The following PDK1 variants were observed in gnomAD, a reference collection of about 807,000 sequenced individuals.
PDK1 encodes [Pyruvate dehydrogenase (acetyl-transferring)] kinase isozyme 1, mitochondrial.
Under a neutral mutation model 54.2 loss-of-function variants are expected in PDK1, and 39 were observed. The ratio of observed to expected loss-of-function variants is 0.72; its 90% CI spans 0.56 to 0.94. The LOEUF (loss-of-function observed/expected upper bound fraction) is 0.94, where lower values mean the gene tolerates loss of function less well. Ranked by LOEUF, PDK1 falls within the 40% of genes least tolerant of loss-of-function variation. The pLI is 0.00. For synonymous variants in PDK1, 221 were observed against 207.1 expected, an observed-to-expected ratio of 1.07 and a Z score of -0.58; for missense variants, 552 against 566.0, an observed-to-expected ratio of 0.98 and a Z score of 0.25.
At chr2:172,669,184 C>T in the PDK1 span, among the ~76,000 whole-genome samples, 2 of 150,658 alleles carry the variant, frequency 1.3e-5, no homozygotes, top group Non-Finnish European at 2.9e-5. Flanking sequence ...CTCAGCCTCC[C>T]AAGTAGCTGG....
At chr2:172,650,960 C>T in the PDK1 span, among the ~76,000 whole-genome samples, 6 of 152,214 alleles carry the variant, frequency 3.9e-5, no homozygotes, top group African/African-American at 1.4e-4. Flanking sequence ...GAATTGAATT[C>T]AGCTCTGCAC....
intron 8 of PDK1, among the ~76,000 whole-genome samples, chr2:172,585,219 A>C (rs1690152680): frequency 6.6e-6 from 1 of 151,500 alleles, no homozygotes; most frequent in African/African-American, 2.4e-5. Context: ...GGCTGATCTC[A>C]AACTCCTGGC....
chr2:172,570,809 G>A lies in PDK1; in HGVS notation c.930G>A (p.Glu310=), dbSNP rs1315958108. The change falls in exon 8 of 11, where the codon GAG becomes GAA. Residue 310 remains glutamate, a synonymous_variant. Coordinates refer to ENST00000282077, the MANE Select transcript of PDK1 (RefSeq NM_002610.5). ...PIQVHVTLGN[E]DLTVKMSDRG... ...AAGTTCATGTCACGCTGGGTAATGA[G>A]GATTTGACTGTGAAGGTAAATGTGT... is the stretch of plus-strand genomic sequence containing the variant. 6.3e-7 allele frequency: 1 copy of A among 1,596,766 alleles called. No homozygotes were observed. Among genetic ancestry groups the A allele is most frequent in the Non-Finnish European group, 8.6e-7 (1 of 1,165,978 alleles).
chr2:172,707,259 A>C, the PDK1 span, among the ~76,000 whole-genome samples: 2 of 152,176 alleles, frequency 1.3e-5, no homozygotes, highest in Non-Finnish European at 2.9e-5. Context: ...TGGTCTCCTC[A>C]GATTCCACCC....
At chr2:172,615,965 G>A in the PDK1 span, among the ~76,000 whole-genome samples, 9 of 152,150 alleles carry the variant, frequency 5.9e-5, 2 homozygotes, top group South Asian at 1.2e-3. Flanking sequence ...ACACAGCTAC[G>A]AACAGGCACT....
chr2:172,632,959 C>T, the PDK1 span, among the ~76,000 whole-genome samples: 5 of 89,324 alleles, frequency 5.6e-5, no homozygotes, highest in Non-Finnish European at 8.2e-5. Flanking sequence ...CCAGCCTGGG[C>T]GACAGAATGA....
chr2:172,562,660 A>C, intron 3 of PDK1: 7 of 787,858 alleles, frequency 8.9e-6, no homozygotes, highest in Non-Finnish European at 1.5e-5. Flanking sequence ...TTTAAAGGAA[A>C]GCTACAAGTC....
the PDK1 span, among the ~76,000 whole-genome samples, chr2:172,646,735 C>CTTTTTTTTTTTTTTTTTTT: frequency 2.2e-3 from 158 of 71,998 alleles, 19 homozygotes; most frequent in Non-Finnish European, 2.8e-3. Flanking sequence ...CTTGCATTTC[C>CTTTTTTTTTTTTTTTTTTT]TTTTTTTTTT....
chr2:172,612,630 A>G (rs1487357479), downstream of PDK1, among the ~76,000 whole-genome samples: 2 of 152,222 alleles, frequency 1.3e-5, no homozygotes, highest in Admixed American at 6.5e-5. Context: ...AGCCAAATAC[A>G]TGCTGTACAT....
the PDK1 span, among the ~76,000 whole-genome samples, chr2:172,702,923 G>A: frequency 4.6e-5 from 7 of 152,200 alleles, no homozygotes; most frequent in South Asian, 1.2e-3. Flanking sequence ...GTAGTGAGAC[G>A]AAAAGTGTGT....
chr2:172,696,232 C>T, the PDK1 span, among the ~76,000 whole-genome samples: 6 of 151,834 alleles, frequency 4.0e-5, no homozygotes, highest in East Asian at 1.2e-3. Context: ...AGTTGAGCCT[C>T]CAGATAAGAG....
the PDK1 span, among the ~76,000 whole-genome samples, chr2:172,683,028 G>A: frequency 1.4e-4 from 22 of 152,038 alleles, no homozygotes; most frequent in Admixed American, 3.3e-4. Context: ...CTTGGAGTGA[G>A]GTTTGGGTTG....
At chr2:172,713,484 T>G in the PDK1 span, among the ~76,000 whole-genome samples, 26 of 152,312 alleles carry the variant, frequency 1.7e-4, no homozygotes, top group African/African-American at 6.3e-4. Context: ...AGTGCCCCCT[T>G]GGCCACTCTC....
downstream of PDK1, among the ~76,000 whole-genome samples, chr2:172,610,712 G>A (rs1691434596): frequency 6.6e-6 from 1 of 152,124 alleles, no homozygotes; most frequent in African/African-American, 2.4e-5. Context: ...CCAGGTTCAA[G>A]CGATTCTCCT....
intron 1 of PDK1, among the ~76,000 whole-genome samples, 195 bp from the exon 2 acceptor site, chr2:172,558,513 A>G (rs544311176): frequency 6.6e-6 from 1 of 152,314 alleles, no homozygotes; most frequent in African/African-American, 2.4e-5. Context: ...GGAAGGTCAT[A>G]ACTCTGGAGA....
the PDK1 span, among the ~76,000 whole-genome samples, chr2:172,620,391 A>T: frequency 1.3e-5 from 2 of 152,174 alleles, no homozygotes; most frequent in Non-Finnish European, 2.9e-5. Context: ...AAAGTGATCA[A>T]GATAGAGGGG....
chr2:172,570,874 G>A (rs1225579996), intron 8 of PDK1, 50 bp downstream of exon 8: 1 of 985,564 alleles, frequency 1.0e-6, no homozygotes, highest in South Asian at 1.4e-5. Context: ...TGTAATTGAT[G>A]AACAGACATG....
chr2:172,692,082 C>T, the PDK1 span, among the ~76,000 whole-genome samples: 1 of 152,178 alleles, frequency 6.6e-6, no homozygotes, highest in Non-Finnish European at 1.5e-5. Flanking sequence ...TCAGCCTGCC[C>T]ATGCTTGATG....
rs1477654351 is a variant in PDK1 at position 172,603,859 on chromosome 2, T to G, written c.*7890T>G. The G allele has an allele frequency of 6.6e-6, 1 of 152,200 alleles. No homozygotes were observed. The highest frequency in any genetic ancestry group is 1.5e-5 in the Non-Finnish European group (1 of 68,022). 9.4% of individuals were successfully genotyped at this position (152,200 alleles called of 1,614,324 possible). A position where few individuals can be genotyped will look rare whatever the true frequency, so the allele number is the denominator to read the frequency against. ...ACTATAGTCATTTCACATAATCTAA[T>G]ACATGAATGTCCTGTATGGGTGACT... On this transcript the variant is annotated 3_prime_UTR_variant, in exon 11 of 11. Transcript: ENST00000282077.
Sources: gnomAD v4.1 joint callset for allele counts (sites outside exome capture counted in the v4.1 genomes callset) on GRCh38, gnomAD v4.1.1 for gene constraint, MANE v1.5 for transcripts, NCBI Gene and HGNC (gene_info 2026-07-23, HGNC 2026-07-21) for gene names.